PDIA5: variants seen among roughly 807,000 people sequenced by gnomAD.
The protein encoded by PDIA5 is protein disulfide isomerase family A member 5.
PDIA5 carries 58 observed loss-of-function variants against 77.6 expected under a neutral mutation model. The ratio of observed to expected loss-of-function variants is 0.75; its 90% confidence interval spans 0.61 to 0.93. The LOEUF (loss-of-function observed/expected upper bound fraction) is 0.93. Ranked by LOEUF, PDIA5 falls within the 40% of genes least tolerant of loss-of-function variation. The pLI, the probability that PDIA5 is intolerant of heterozygous loss-of-function variation, is 0.00. For missense variants in PDIA5, 630 were observed against 647.7 expected (o/e 0.97, Z 0.30); for synonymous variants, 250 against 252.1 (o/e 0.99, Z 0.08).
At chr3:123,090,603 GTC>G (rs1441124577) in intron 2 of PDIA5, among the ~76,000 whole-genome samples, 1 of 152,186 alleles carries the variant, frequency 6.6e-6, no homozygotes. Context: ...ATGCCCCGCT[GTC>G]TCTCATTTTC....
At chr3:123,083,072 G>A (rs1288121791) in intron 1 of PDIA5, among the ~76,000 whole-genome samples, 1 of 152,178 alleles carries the variant, frequency 6.6e-6, no homozygotes, top group Non-Finnish European at 1.5e-5. Flanking sequence ...GAAGGACTCA[G>A]TCTCCACCCC....
At chr3:123,111,061 GAGGCAGGT>G in intron 7 of PDIA5, 57 bp downstream of exon 7, 1 of 1,268,510 alleles carries the variant, frequency 7.9e-7, no homozygotes, top group Non-Finnish European at 1.2e-6. Flanking sequence ...TTGTGGGTGG[GAGGCAGGT>G]GGGGGTTGCG....
chr3:123,154,616 T>C (rs1311345455), intron 14 of PDIA5, among the ~76,000 whole-genome samples: 1 of 152,166 alleles, frequency 6.6e-6, no homozygotes, highest in East Asian at 1.9e-4. Context: ...GTAGCGGCTC[T>C]GAGAATCCCG....
rs914082164 is a variant in PDIA5 at position 123,083,852 on chromosome 3, G to C, written c.43-5316G>C. ...AAGGAAGGAGCGTGCACATTGGAAA[G>C]GTTAAAATAGACTGAAGTGGAGGAG... On this transcript the variant is annotated intron_variant, in intron 1 of 16. Transcript: ENST00000316218. Among the ~76,000 whole-genome samples the C allele has an allele frequency of 2.0e-5, 3 of 152,152 alleles. No individual in the cohort carries two copies. The East Asian group carries it at 5.8e-4, about 29-fold the overall frequency.
At chr3:123,083,934 GA>G (rs981020705) in intron 1 of PDIA5, among the ~76,000 whole-genome samples, 1 of 152,126 alleles carries the variant, frequency 6.6e-6, no homozygotes, top group Non-Finnish European at 1.5e-5. Flanking sequence ...GGGAGGGGAG[GA>G]AAGGGCTCCC....
chr3:123,100,951 T>C (rs778694209), intron 3 of PDIA5, among the ~76,000 whole-genome samples: 9 of 152,312 alleles, frequency 5.9e-5, no homozygotes, highest in East Asian at 1.9e-4. Context: ...ACTCCAGTTG[T>C]GTAGTCAGTG....
chr3:123,119,696 C>G (rs1020131189), intron 8 of PDIA5, among the ~76,000 whole-genome samples: 19 of 152,194 alleles, frequency 1.2e-4, no homozygotes, highest in African/African-American at 4.3e-4. Context: ...TCTTCACACA[C>G]AGAAAAGAGG....
intron 5 of PDIA5, 54 bp from the exon 6 acceptor site, chr3:123,106,695 C>T: frequency 1.5e-6 from 2 of 1,291,438 alleles, no homozygotes; most frequent in Non-Finnish European, 2.2e-6. Flanking sequence ...GATTCCCCCA[C>T]CTCCCTCTTT....
At chr3:123,126,865 G>C (rs554429421) in intron 10 of PDIA5, among the ~76,000 whole-genome samples, 1 of 152,330 alleles carries the variant, frequency 6.6e-6, no homozygotes, top group South Asian at 2.1e-4. Flanking sequence ...GGTGAGGCAG[G>C]GCAGGGAGTC....
In PDIA5 at chr3:123,139,450, C is replaced by T. The variant is rs769309066; in HGVS notation, c.911-6072C>T. On this transcript the variant is annotated intron_variant, in intron 11 of 16. Transcript: ENST00000316218. ...CTGTTTGCAGAAGTTTATTGCTTAG[C>T]CTTAGTGTCTTATTCAGGGTCAGAG... 8.5e-5 allele frequency among the ~76,000 whole-genome samples: 13 copies of T among 152,300 alleles called. No homozygotes were observed. In the South Asian group the frequency reaches 1.2e-3, roughly 15 times the overall value.
chr3:123,090,817 A>C (rs1351345367), intron 2 of PDIA5, among the ~76,000 whole-genome samples: 1 of 152,106 alleles, frequency 6.6e-6, no homozygotes, highest in Non-Finnish European at 1.5e-5. Flanking sequence ...TTGAGAGTAG[A>C]GCCCCTGGTG....
intron 3 of PDIA5, among the ~76,000 whole-genome samples, 156 bp downstream of exon 3, chr3:123,092,598 C>T (rs1934327027): frequency 6.6e-6 from 1 of 152,174 alleles, no homozygotes; most frequent in Admixed American, 6.5e-5. Context: ...CACCTCTGGA[C>T]TGGAAGAGTG....
At position 123,130,337 on chromosome 3, in the gene PDIA5, C is replaced by G. The variant is rs1237123347; in HGVS notation, c.774-143C>G. On this transcript the variant is annotated intron_variant, in intron 10 of 16. Transcript: ENST00000316218. Reference sequence around the variant, plus strand: ...TCACCCCACGGCACCTCCATGAGGGCAGTTTCTGGTTTGTTAAAGGCTGAG... The same window carrying G: ...TCACCCCACGGCACCTCCATGAGGGGAGTTTCTGGTTTGTTAAAGGCTGAG... 2.2e-5 allele frequency: 18 copies of G among 814,410 alleles called. No homozygotes were observed. The Admixed American group carries it at 4.3e-4, about 19-fold the overall frequency. The allele number at this position is 814,410 out of a possible 1,614,324, so 50.4% of individuals were successfully genotyped here.
At chr3:123,087,200 G>A (rs1248791487) in intron 1 of PDIA5, among the ~76,000 whole-genome samples, 1 of 152,064 alleles carries the variant, frequency 6.6e-6, no homozygotes, top group African/African-American at 2.4e-5. Flanking sequence ...TGCTTTTTTA[G>A]AGATTGAGTC....
intron 15 of PDIA5, among the ~76,000 whole-genome samples, chr3:123,156,819 A>C (rs1936029304): frequency 9.9e-6 from 1 of 100,752 alleles, no homozygotes; most frequent in South Asian, 3.0e-4. Flanking sequence ...GGAAACCCTG[A>C]AGGGGCAGCC....
Position 123,106,810 on chromosome 3 carries a change from C to T in PDIA5, c.449C>T (p.Ala150Val), listed in dbSNP as rs1037202801. 6.2e-7 allele frequency: 1 copy of T among 1,612,112 alleles called. No individual in the cohort carries two copies. Among genetic ancestry groups the T allele is most frequent in the Admixed American group, 1.7e-5 (1 of 60,000 alleles). ...GPPLWEEDPG[A>V]KDVVHLDSEK... ...CCACTGTGGGAGGAAGATCCTGGAG[C>T]CAAAGATGTTGTCCACCTTGACAGT... is the stretch of plus-strand genomic sequence containing the variant. The change falls in exon 6 of 17, where the codon GCC becomes GTC. Residue 150 changes from alanine to valine, a missense_variant. Physicochemically the swap from Ala to Val is moderately conservative, Grantham distance 64. Transcript: ENST00000316218.
rs1213117674 is a variant in PDIA5 at position 123,150,247 on chromosome 3, C to A, written c.1156C>A (p.Pro386Thr). 1 of 1,612,928 alleles carries A rather than the reference C, an allele frequency of 6.2e-7. No individual in the cohort carries two copies. Among genetic ancestry groups the A allele is most frequent in the Non-Finnish European group, 8.5e-7 (1 of 1,179,164 alleles). ...GGCTTCTTGCAGCCCTGAGGCCCCCCCGCCCCCAGAGCCCACGTGGGAAGA... is the reference window on the plus strand; with the variant it reads ...GGCTTCTTGCAGCCCTGAGGCCCCCACGCCCCCAGAGCCCACGTGGGAAGA... ...LEWMQNPEAP[P>T]PPEPTWEEQQ... The change falls in exon 14 of 17, where the codon CCG becomes ACG. Residue 386 changes from proline (P) to threonine (T), a missense_variant. Transcript: ENST00000316218.
intron 8 of PDIA5, among the ~76,000 whole-genome samples, chr3:123,122,444 G>GAA (rs112234417): frequency 6.7e-6 from 1 of 148,990 alleles, no homozygotes; most frequent in African/African-American, 2.5e-5. Flanking sequence ...AATGGGCTAG[G>GAA]AAAAAAAAAA....
intron 1 of PDIA5, among the ~76,000 whole-genome samples, chr3:123,086,404 A>G (rs138068794): frequency 2.6e-5 from 4 of 152,360 alleles, no homozygotes; most frequent in African/African-American, 9.6e-5. Flanking sequence ...ACTCAATCCA[A>G]GACTTCTGAC....
Sources: gnomAD v4.1 joint callset for allele counts (sites outside exome capture counted in the v4.1 genomes callset) on GRCh38, gnomAD v4.1.1 for gene constraint, MANE v1.5 for transcripts, NCBI Gene and HGNC (gene_info 2026-07-23, HGNC 2026-07-21) for gene names.